The following TCF12 variants were observed in gnomAD, a reference collection of about 807,000 sequenced individuals.
TCF12 encodes transcription factor 12, also known as DNA-binding protein HTF4.
A neutral mutation model predicts 86.0 loss-of-function variants in TCF12; 45 were observed. That is an observed-to-expected ratio of 0.52 (90% CI 0.41 to 0.67). The LOEUF (loss-of-function observed/expected upper bound fraction) is 0.67, where lower values mean the gene tolerates loss of function less well. TCF12 is among the 30% of genes least tolerant of loss of function. TCF12 has a pLI of 0.00. For missense variants in TCF12, 881 were observed against 859.9 expected (o/e 1.02, Z -0.31); for synonymous variants, 330 against 299.6 (o/e 1.10, Z -1.05).
At chr15:57,090,442 A>G (rs2048920939) in intron 4 of TCF12, among the ~76,000 whole-genome samples, 1 of 152,242 alleles carries the variant, frequency 6.6e-6, no homozygotes, top group Non-Finnish European at 1.5e-5. Flanking sequence ...GTATGTAAAA[A>G]TGAAACAAAG....
Position 57,167,792 on chromosome 15 carries a change from A to G in TCF12, c.390+1326A>G, listed in dbSNP as rs115879843. On this transcript the variant is annotated intron_variant, in intron 6 of 20. Transcript: ENST00000333725. ...GCTTCAGACCAAGCAGTCTTACTCT[A>G]TTTTCATCCAAGTGATTTTTTAAAG... Among the ~76,000 whole-genome samples the G allele has an allele frequency of 7.8e-3, 1,189 of 152,064 alleles. 18 individuals carry two copies. Among genetic ancestry groups the G allele is most frequent in the African/African-American group, 0.027 (1,129 of 41,470 alleles).
chr15:57,250,425 G>A (rs1410759097), intron 13 of TCF12, among the ~76,000 whole-genome samples: 1 of 152,068 alleles, frequency 6.6e-6, no homozygotes, highest in Non-Finnish European at 1.5e-5. Context: ...AAATAATAGT[G>A]GCTAAGCAAA....
rs1445375277 is a variant in TCF12 at position 57,224,644 on chromosome 15, TC to T, written c.580-6505del. Among the ~76,000 whole-genome samples, 82 of 152,300 alleles carry T rather than the reference TC, an allele frequency of 5.4e-4. 1 individual carries two copies. The highest frequency in any genetic ancestry group is 1.9e-3 in the African/African-American group (78 of 41,578). On this transcript the variant is annotated intron_variant, in intron 8 of 20. Coordinates refer to ENST00000333725, the MANE Select transcript of TCF12 (RefSeq NM_207037.2). ...TTAGAAAAGAAATTTCATTTTATTT[TC>T]CCTGGAAAATAAACATGTCTCTGGA...
intron 13 of TCF12, among the ~76,000 whole-genome samples, chr15:57,245,172 C>T (rs181123553): frequency 9.9e-5 from 15 of 152,230 alleles, no homozygotes; most frequent in Non-Finnish European, 1.9e-4. Flanking sequence ...CCCTGGCCAT[C>T]ACCTATGCTT....
intron 3 of TCF12, among the ~76,000 whole-genome samples, chr15:57,033,662 A>T (rs1222717059): frequency 6.6e-6 from 1 of 152,196 alleles, no homozygotes; most frequent in Non-Finnish European, 1.5e-5. Context: ...GCCCTGAGAA[A>T]GAAAGTAGGT....
At chr15:56,920,994 G>A (rs201249866) in intron 2 of TCF12, 32 bp from the exon 3 acceptor site, 7 of 1,542,264 alleles carry the variant, frequency 4.5e-6, no homozygotes, top group Middle Eastern at 1.7e-4. Flanking sequence ...AAGAATTTCA[G>A]GACTAACAGA....
At chr15:57,254,804 G>A (rs1415780055) in intron 16 of TCF12, among the ~76,000 whole-genome samples, 9 of 96,026 alleles carry the variant, frequency 9.4e-5, no homozygotes, top group African/African-American at 2.5e-4. Flanking sequence ...GCTGCAGTGA[G>A]CCATGTTCAT....
At chr15:57,177,330 C>T (rs979826480) in intron 6 of TCF12, among the ~76,000 whole-genome samples, 8 of 144,350 alleles carry the variant, frequency 5.5e-5, no homozygotes, top group Non-Finnish European at 1.2e-4. Context: ...AGTACAATGG[C>T]ATGATCTTGG....
intron 5 of TCF12, among the ~76,000 whole-genome samples, chr15:57,136,944 C>T (rs1399276972): frequency 1.5e-5 from 2 of 135,136 alleles, no homozygotes; most frequent in Non-Finnish European, 3.1e-5. Context: ...AGACAATAGC[C>T]ACTGCTTCTG....
chr15:57,023,765 G>T (rs1222340497), intron 3 of TCF12, among the ~76,000 whole-genome samples: 1 of 152,132 alleles, frequency 6.6e-6, no homozygotes, highest in African/African-American at 2.4e-5. Context: ...ATTAGTTTTT[G>T]TTATAGTTTA....
intron 15 of TCF12, 125 bp from the exon 16 acceptor site, chr15:57,253,137 T>C: frequency 1.0e-6 from 1 of 987,548 alleles, no homozygotes; most frequent in Non-Finnish European, 1.5e-6. Flanking sequence ...GTGGTTGCTT[T>C]TGAAGCTACT....
chr15:57,052,404 G>A (rs12909811), intron 3 of TCF12, among the ~76,000 whole-genome samples: 1 of 151,718 alleles, frequency 6.6e-6, no homozygotes, highest in Admixed American at 6.6e-5. Context: ...TTGGGAGGCA[G>A]AGGCAGGTGG....
rs574028308 is a variant in TCF12, at chr15:56,929,004, G to T, written c.148+7906G>T. 8.4e-4 allele frequency among the ~76,000 whole-genome samples: 128 copies of T among 152,246 alleles called. 1 individual carries two copies. Among genetic ancestry groups the T allele is most frequent in the African/African-American group, 2.8e-3 (117 of 41,562 alleles). On this transcript the variant is annotated intron_variant, in intron 3 of 20. Coordinates refer to ENST00000333725, the MANE Select transcript of TCF12 (RefSeq NM_207037.2). ...ACGTTGCAAGTGAGTGGAAGAAATT[G>T]TATCTTAAAAATTCATGTACATTTT...
intron 5 of TCF12, among the ~76,000 whole-genome samples, chr15:57,110,151 T>C (rs1727269433): frequency 6.6e-6 from 1 of 152,222 alleles, no homozygotes; most frequent in Non-Finnish European, 1.5e-5. Context: ...ATCTGATTAC[T>C]GTCATAATTG....
intron 3 of TCF12, among the ~76,000 whole-genome samples, chr15:57,004,104 A>G (rs2064207030): frequency 6.6e-6 from 1 of 152,076 alleles, no homozygotes; most frequent in Non-Finnish European, 1.5e-5. Context: ...TTAAGTTATG[A>G]TAAACTTTTG....
At chr15:57,102,320 G>A (rs762306409) in intron 5 of TCF12, among the ~76,000 whole-genome samples, 3 of 152,126 alleles carry the variant, frequency 2.0e-5, no homozygotes, top group South Asian at 2.1e-4. Context: ...ACATATGGCC[G>A]GGCGTGGTGG....
intron 5 of TCF12, among the ~76,000 whole-genome samples, chr15:57,130,690 T>C (rs1051311751): frequency 3.6e-4 from 55 of 152,326 alleles, no homozygotes; most frequent in African/African-American, 1.2e-3. Context: ...TTCTTTTTTT[T>C]CTGGTTTTGG....
At chr15:57,211,109 CAT>C (rs2151818195) in intron 8 of TCF12, among the ~76,000 whole-genome samples, 1 of 152,272 alleles carries the variant, frequency 6.6e-6, no homozygotes, top group African/African-American at 2.4e-5. Context: ...CTGTATTCAC[CAT>C]GAAATATCTG....
chr15:57,164,195 T>C (rs1476643596), intron 5 of TCF12, among the ~76,000 whole-genome samples: 1 of 152,236 alleles, frequency 6.6e-6, no homozygotes, highest in African/African-American at 2.4e-5. Context: ...GTTAACGCTG[T>C]GAGACTTAAC....
Sources: gnomAD v4.1 joint callset for allele counts (sites outside exome capture counted in the v4.1 genomes callset) on GRCh38, gnomAD v4.1.1 for gene constraint, MANE v1.5 for transcripts, NCBI Gene and HGNC (gene_info 2026-07-23, HGNC 2026-07-21) for gene names.